Variants in CTPS2 observed in about 807,000 individuals in gnomAD.
CTPS2 encodes CTP synthase 2.
Under a neutral mutation model 46.8 loss-of-function variants are expected in CTPS2, and 19 were observed. The observed-to-expected ratio is 0.41, with a 90% CI of 0.28 to 0.60. The LOEUF (loss-of-function observed/expected upper bound fraction) is 0.60, where lower values mean the gene tolerates loss of function less well. Among genes scored for constraint, CTPS2 ranks in the 20% least tolerant of loss-of-function variants. The pLI, the probability that CTPS2 is intolerant of heterozygous loss-of-function variation, is 0.35. For missense variants in CTPS2, 286 were observed against 447.6 expected (o/e 0.64, Z 3.26); for synonymous variants, 151 against 165.2 (o/e 0.91, Z 0.66).
chrX:16,674,699 G>A (rs915528922), intron 10 of CTPS2, among the ~76,000 whole-genome samples: 15 of 106,765 alleles, frequency 1.4e-4, no homozygotes, highest in South Asian at 4.3e-4. Context: ...TTAGCCGGGC[G>A]TGGTGGCAGG....
At chrX:16,697,736 C>T (rs1924236589) in intron 4 of CTPS2, among the ~76,000 whole-genome samples, 1 of 111,519 alleles carries the variant, frequency 9.0e-6, no homozygotes, top group Non-Finnish European at 1.9e-5. Flanking sequence ...AGCCACCTCG[C>T]GCAGCCACTA....
chrX:16,600,100 G>A lies in CTPS2; in HGVS notation c.1692-9238C>T, dbSNP rs150384379. Among the ~76,000 whole-genome samples, 943 of 112,233 alleles carry A rather than the reference G, an allele frequency of 8.4e-3. 16 individuals carry two copies. Among genetic ancestry groups the A allele is most frequent in the African/African-American group, 0.029 (903 of 30,874 alleles). On this transcript the variant is annotated intron_variant, in intron 17 of 18. Transcript: ENST00000359276. The stretch of plus-strand genomic sequence containing the variant: ...ACATGTGGCTCTTGACAAACGAAAG[G>A]TTTGTCATAGTGAAGTTTGCTTGTC...
chrX:16,685,893 AC>A, intron 8 of CTPS2, among the ~76,000 whole-genome samples: 1 of 102,782 alleles, frequency 9.7e-6, no homozygotes, highest in Admixed American at 1.1e-4. Context: ...AAAAAAAAAG[AC>A]AATGAATAGG....
intron 2 of CTPS2, among the ~76,000 whole-genome samples, chrX:16,702,467 G>A (rs1283944757): frequency 8.9e-6 from 1 of 112,321 alleles, no homozygotes; most frequent in Non-Finnish European, 1.9e-5. Flanking sequence ...CAGGCAGTGG[G>A]AAATGTTAAG....
chrX:16,617,553 T>C (rs1274316275), intron 15 of CTPS2, among the ~76,000 whole-genome samples: 2 of 112,326 alleles, frequency 1.8e-5, no homozygotes, highest in African/African-American at 6.5e-5. Context: ...CCATGTTTGC[T>C]TCTTCCCTTG....
In CTPS2 at chrX:16,651,219, G is replaced by C. The variant is rs1932612970; in HGVS notation, c.1297-11976C>G. ...GGAGGGAGGGGAGAGGACTCCGGTAGAGCCTTATAGGGACCGTCGCTTGAG... is the reference window on the plus strand; with the variant it reads ...GGAGGGAGGGGAGAGGACTCCGGTACAGCCTTATAGGGACCGTCGCTTGAG... On this transcript the variant is annotated intron_variant, in intron 13 of 18. Transcript: ENST00000359276. 34 of 948,686 alleles carry C rather than the reference G, an allele frequency of 3.6e-5. No homozygotes were observed. In the South Asian group the frequency reaches 7.7e-4, roughly 21 times the overall value. 78.2% of individuals were successfully genotyped at this position (948,686 alleles called of 1,213,427 possible). A position where few individuals can be genotyped will look rare whatever the true frequency, so the allele number is the denominator to read the frequency against.
intron 17 of CTPS2, among the ~76,000 whole-genome samples, chrX:16,596,580 T>A (rs1227208087): frequency 9.0e-6 from 1 of 111,106 alleles, no homozygotes; most frequent in Non-Finnish European, 1.9e-5. Context: ...ATTTTCTTAA[T>A]CCAGTCTATC....
intron 16 of CTPS2, among the ~76,000 whole-genome samples, chrX:16,612,238 CA>C (rs1930298173): frequency 8.9e-6 from 1 of 112,256 alleles, no homozygotes. Context: ...ATATTAATCT[CA>C]AGCTTTGTTG....
At chrX:16,592,701 T>A (rs1477962553) in intron 17 of CTPS2, among the ~76,000 whole-genome samples, 2 of 112,152 alleles carry the variant, frequency 1.8e-5, no homozygotes, top group African/African-American at 6.5e-5. Flanking sequence ...TGAAATGTTA[T>A]CTCCTTCAGA....
intron 11 of CTPS2, 87 bp downstream of exon 11, chrX:16,670,493 T>A: frequency 1.5e-6 from 1 of 679,126 alleles, no homozygotes; most frequent in Non-Finnish European, 2.2e-6. Context: ...GTTCACACCT[T>A]TACGATAACA....
At chrX:16,614,649 G>A (rs762957017) in intron 16 of CTPS2, among the ~76,000 whole-genome samples, 1 of 112,661 alleles carries the variant, frequency 8.9e-6, no homozygotes, top group African/African-American at 3.2e-5. Flanking sequence ...AGTTGCTCAT[G>A]CCTGTAATCT....
Position 16,705,623 on chromosome X carries a change from C to G in CTPS2, c.-39-2682G>C, listed in dbSNP as rs1421296204. Among the ~76,000 whole-genome samples, 3 of 112,165 alleles carry G rather than the reference C, an allele frequency of 2.7e-5. No homozygotes were observed. In the East Asian group the frequency reaches 8.4e-4, roughly 31 times the overall value. On this transcript the variant is annotated intron_variant, in intron 1 of 18. Coordinates refer to ENST00000359276, the MANE Select transcript of CTPS2 (RefSeq NM_175859.3). ...GTTGAATATGTATATTTAGCCAACC[C>G]ATTCAGCATAAAACTGAACCCTCCT...
chrX:16,624,610 T>C (rs940313404), intron 14 of CTPS2, among the ~76,000 whole-genome samples: 1 of 111,843 alleles, frequency 8.9e-6, no homozygotes, highest in Non-Finnish European at 1.9e-5. Flanking sequence ...TGCTAGATAC[T>C]GTTGAATGTA....
chrX:16,649,277 A>G (rs1288189435), intron 13 of CTPS2, among the ~76,000 whole-genome samples: 1 of 112,530 alleles, frequency 8.9e-6, no homozygotes, highest in Non-Finnish European at 1.9e-5. Context: ...GAAAGAGCTG[A>G]AAAAATGACC....
chrX:16,708,504 AGAGT>A (rs1925188670), intron 1 of CTPS2, among the ~76,000 whole-genome samples: 1 of 111,325 alleles, frequency 9.0e-6, no homozygotes, highest in Admixed American at 9.7e-5. Context: ...TCTGGACAAC[AGAGT>A]GAGACTCCGT....
chrX:16,604,726 C>T (rs1005600299), intron 17 of CTPS2, among the ~76,000 whole-genome samples: 3 of 111,842 alleles, frequency 2.7e-5, no homozygotes, highest in African/African-American at 9.7e-5. Flanking sequence ...AGAAAACTTG[C>T]AATTACAAGC....
intron 11 of CTPS2, among the ~76,000 whole-genome samples, chrX:16,668,023 A>G (rs968085149): frequency 3.6e-5 from 4 of 109,888 alleles, no homozygotes; most frequent in African/African-American, 1.3e-4. Flanking sequence ...AGCACTTTGG[A>G]AAGCCAAAGT....
chrX:16,603,220 G>A lies in CTPS2; in HGVS notation c.1691+6321C>T, dbSNP rs1391168689. ...TCACGAGGTCAGGAGTTCAAGACCAGCCTGGCCAAGATGGTGAAACCCCAT... is the reference window on the plus strand; with the variant it reads ...TCACGAGGTCAGGAGTTCAAGACCAACCTGGCCAAGATGGTGAAACCCCAT... On this transcript the variant is annotated intron_variant, in intron 17 of 18. Coordinates refer to ENST00000359276, the MANE Select transcript of CTPS2 (RefSeq NM_175859.3). 1.8e-5 allele frequency among the ~76,000 whole-genome samples: 2 copies of A among 110,389 alleles called. 1 individual carries two copies. The highest frequency in any genetic ancestry group is 5.6e-4 in the East Asian group (2 of 3,540).
chrX:16,710,985 T>C (rs771203315), intron 1 of CTPS2, among the ~76,000 whole-genome samples: 167 of 112,135 alleles, frequency 1.5e-3, no homozygotes, highest in African/African-American at 4.9e-3. Context: ...GCTGGCCCTG[T>C]TTTAGATCAC....
Sources: allele counts gnomAD v4.1 joint callset (sites outside exome capture counted in the v4.1 genomes callset), GRCh38; gene constraint gnomAD v4.1.1; transcripts MANE v1.5; gene names NCBI Gene and HGNC (gene_info 2026-07-23, HGNC 2026-07-21).